VAT1L: variants seen among roughly 807,000 people sequenced by gnomAD.
VAT1L encodes the protein putative NADPH-dependent quinone oxidoreductase VAT1L.
In VAT1L, 34 loss-of-function variants were observed where a neutral mutation model predicts 44.1. The observed-to-expected ratio is 0.77, with a 90% CI of 0.59 to 1.03. The LOEUF (loss-of-function observed/expected upper bound fraction) is 1.03, where lower values mean the gene tolerates loss of function less well. Ranked by LOEUF, VAT1L falls within the 50% of genes least tolerant of loss-of-function variation. The pLI is 0.00. For synonymous variants in VAT1L, 253 were observed against 202.2 expected (o/e 1.25, Z -2.13); for missense variants, 615 against 538.8 (o/e 1.14, Z -1.40).
At chr16:77,903,719 C>A (rs554043976) in intron 7 of VAT1L, among the ~76,000 whole-genome samples, 1 of 147,022 alleles carries the variant, frequency 6.8e-6, no homozygotes, top group South Asian at 2.2e-4. Context: ...AAAGTAATTG[C>A]GGTTTCTCTC....
At chr16:77,967,660 C>T (rs1434100826) in intron 7 of VAT1L, among the ~76,000 whole-genome samples, 1 of 152,106 alleles carries the variant, frequency 6.6e-6, no homozygotes, top group Non-Finnish European at 1.5e-5. Flanking sequence ...GGCAGCCCTG[C>T]AGGGAGCTTT....
At chr16:77,901,851 C>T (rs1348299167) in intron 7 of VAT1L, among the ~76,000 whole-genome samples, 1 of 152,300 alleles carries the variant, frequency 6.6e-6, no homozygotes, top group Middle Eastern at 3.4e-3. Context: ...AGAAGAGATA[C>T]CAATTTCAAG....
chr16:77,857,367 G>C (rs2016869981), intron 3 of VAT1L, among the ~76,000 whole-genome samples: 2 of 152,186 alleles, frequency 1.3e-5, no homozygotes, highest in African/African-American at 2.4e-5. Flanking sequence ...TCGGGAGTTG[G>C]AGAAGGGAGA....
Position 77,885,760 on chromosome 16 carries a change from T to C in VAT1L, c.1077+958T>C, listed in dbSNP as rs183421965. 1.7e-3 allele frequency among the ~76,000 whole-genome samples: 264 copies of C among 152,280 alleles called. 1 individual carries two copies. Among genetic ancestry groups the C allele is most frequent in the African/African-American group, 6.0e-3 (249 of 41,570 alleles). The stretch of plus-strand genomic sequence containing the variant: ...TAACAAGTACGAAAGTTCTAGTGGG[T>C]GTGCTTCTGGCAAGAAGGCTGTGTC... On this transcript the variant is annotated intron_variant, in intron 7 of 8. Coordinates refer to ENST00000302536, the MANE Select transcript of VAT1L (RefSeq NM_020927.3).
intron 3 of VAT1L, among the ~76,000 whole-genome samples, chr16:77,833,605 G>C (rs188665277): frequency 1.3e-5 from 2 of 152,246 alleles, no homozygotes; most frequent in Admixed American, 1.3e-4. Context: ...ACAAAAATTA[G>C]CTGGGCATGG....
intron 7 of VAT1L, among the ~76,000 whole-genome samples, chr16:77,925,472 T>TA (rs1257154120): frequency 6.6e-6 from 1 of 152,180 alleles, no homozygotes; most frequent in Non-Finnish European, 1.5e-5. Flanking sequence ...TTCGGGGTAT[T>TA]AAAGAGGTCC....
intron 1 of VAT1L, among the ~76,000 whole-genome samples, chr16:77,803,882 G>C (rs2145218306): frequency 6.6e-6 from 1 of 152,296 alleles, no homozygotes; most frequent in South Asian, 2.1e-4. Flanking sequence ...GATGGGGCTG[G>C]AGAGGCTGAG....
At chr16:77,858,868 G>T (rs1443835941) in intron 3 of VAT1L, among the ~76,000 whole-genome samples, 3 of 152,078 alleles carry the variant, frequency 2.0e-5, no homozygotes, top group African/African-American at 4.8e-5. Context: ...GGGCTTGGTG[G>T]CTCACACCTG....
rs990868035 is a variant in VAT1L, at chr16:77,889,521, A to G, written c.1077+4719A>G. Among the ~76,000 whole-genome samples the G allele has an allele frequency of 2.6e-5, 4 of 152,194 alleles. No homozygotes were observed. The South Asian group carries it at 6.2e-4, about 24-fold the overall frequency. ...AATCCTCTTTTAGGATATTGAGTCT[A>G]CAGAAGTCCTAGACAACATGTTAAT... is the stretch of plus-strand genomic sequence containing the variant. On this transcript the variant is annotated intron_variant, in intron 7 of 8. Transcript: ENST00000302536.
chr16:77,920,088 T>C (rs1034151771), intron 7 of VAT1L, among the ~76,000 whole-genome samples: 4 of 151,750 alleles, frequency 2.6e-5, no homozygotes, highest in African/African-American at 2.4e-5. Context: ...CAAAAAAAAA[T>C]AAATAAATAA....
At chr16:77,930,577 C>T (rs8063517) in intron 7 of VAT1L, among the ~76,000 whole-genome samples, 146,711 of 152,234 alleles carry the variant, frequency 0.96, 70,828 homozygotes, top group East Asian at 1. Flanking sequence ...GGCCCGTGCC[C>T]CGCTTATATC....
At chr16:77,864,544 TGCAGTGA>T (rs1310444043) in intron 4 of VAT1L, among the ~76,000 whole-genome samples, 2 of 152,160 alleles carry the variant, frequency 1.3e-5, no homozygotes, top group African/African-American at 4.8e-5. Context: ...AGGTAGAGGT[TGCAGTGA>T]GCTGAGATCA....
rs55896887 is a variant in VAT1L at position 77,966,932 on chromosome 16, T to TA, written c.1078-4891dup. 3.3e-3 allele frequency among the ~76,000 whole-genome samples: 353 copies of TA among 106,554 alleles called. 2 individuals are homozygous for TA. The highest frequency in any genetic ancestry group is 0.012 in the African/African-American group (305 of 26,304). The allele number at this position is 106,554 out of a possible 152,430, so 69.9% of individuals were successfully genotyped here. ...AAGGGTTTTAAGCAGTAGAGTACTT[T>TA]AAAAAAAAAAAAAAAAAAAAAAAAA... On this transcript the variant is annotated intron_variant, in intron 7 of 8. Coordinates refer to ENST00000302536, the MANE Select transcript of VAT1L (RefSeq NM_020927.3).
At chr16:77,944,649 ATTG>A (rs1202784274) in intron 7 of VAT1L, among the ~76,000 whole-genome samples, 2 of 152,198 alleles carry the variant, frequency 1.3e-5, no homozygotes, top group Non-Finnish European at 1.5e-5. Flanking sequence ...CTGCTGGTAT[ATTG>A]TTATGTTCTC....
intron 1 of VAT1L, among the ~76,000 whole-genome samples, chr16:77,791,941 G>C (rs1490718107): frequency 6.6e-6 from 1 of 152,140 alleles, no homozygotes; most frequent in African/African-American, 2.4e-5. Context: ...CGCAACAAGA[G>C]GTTTAAGTGA....
chr16:77,926,003 C>A (rs1026296428), intron 7 of VAT1L, among the ~76,000 whole-genome samples: 2 of 152,068 alleles, frequency 1.3e-5, no homozygotes, highest in Admixed American at 1.3e-4. Context: ...TGGCTCATAC[C>A]TGTAATCCTA....
Position 77,831,473 on chromosome 16 carries a change from G to A in VAT1L, c.579+6012G>A, listed in dbSNP as rs534787436. On this transcript the variant is annotated intron_variant, in intron 3 of 8. Transcript: ENST00000302536. ...CTTCCATGTATGTGTCATACTCCCT[G>A]AGATGATGAGAATGACATTTTACCT... Among the ~76,000 whole-genome samples the A allele has an allele frequency of 2.6e-5, 4 of 152,254 alleles. No homozygotes were observed. The East Asian group carries it at 7.7e-4, about 29-fold the overall frequency.
intron 7 of VAT1L, among the ~76,000 whole-genome samples, chr16:77,929,257 T>G (rs2017702386): frequency 6.6e-6 from 1 of 152,180 alleles, no homozygotes; most frequent in Non-Finnish European, 1.5e-5. Flanking sequence ...TCTCTAGACT[T>G]AGTACTGCCT....
At chr16:77,869,427 C>T (rs2142448021) in intron 4 of VAT1L, among the ~76,000 whole-genome samples, 1 of 152,306 alleles carries the variant, frequency 6.6e-6, no homozygotes, top group East Asian at 1.9e-4. Context: ...ATAATCCCTG[C>T]ACTTTAGGAG....
Sources: gnomAD v4.1 joint callset for allele counts (sites outside exome capture counted in the v4.1 genomes callset) on GRCh38, gnomAD v4.1.1 for gene constraint, MANE v1.5 for transcripts, NCBI Gene and HGNC (gene_info 2026-07-23, HGNC 2026-07-21) for gene names.